The following SNX9 variants were observed in gnomAD, a reference collection of about 807,000 sequenced individuals.
SNX9 encodes the protein sorting nexin-9.
SNX9 carries 44 observed loss-of-function variants against 89.4 expected under a neutral mutation model. That is an observed-to-expected ratio of 0.49 (90% CI 0.39 to 0.63). SNX9 has a LOEUF of 0.63. Among genes scored for constraint, SNX9 ranks in the 30% least tolerant of loss-of-function variants. The pLI is 0.00. For synonymous variants in SNX9, 236 were observed against 247.8 expected (o/e 0.95, Z 0.45); for missense variants, 578 against 736.1 (o/e 0.79, Z 2.49).
Position 157,942,962 on chromosome 6 carries a change from A to G in SNX9, c.*124A>G. The G allele has an allele frequency of 1.0e-6, 1 of 974,122 alleles. No homozygotes were observed. The highest frequency in any genetic ancestry group is 3.0e-5 in the Admixed American group (1 of 33,652). 60.3% of individuals were successfully genotyped at this position (974,122 alleles called of 1,614,324 possible). A position where few individuals can be genotyped will look rare whatever the true frequency, so the allele number is the denominator to read the frequency against. ...AACAAAACCAAAAAGAAAGAGTTGC[A>G]AAAAACTGCATTTATTTTATTAGCC... On this transcript the variant is annotated 3_prime_UTR_variant, in exon 18 of 18. Transcript: ENST00000392185.
chr6:157,909,825 T>G, intron 8 of SNX9, 35 bp downstream of exon 8: 1 of 1,612,884 alleles, frequency 6.2e-7, no homozygotes, highest in Non-Finnish European at 8.5e-7. Flanking sequence ...AGAATCATGT[T>G]TGGATCACTG....
intron 11 of SNX9, 101 bp from the exon 12 acceptor site, chr6:157,928,498 C>A: frequency 1.2e-6 from 1 of 863,502 alleles, no homozygotes; most frequent in Admixed American, 2.2e-5. Flanking sequence ...GAGTTGTTAT[C>A]ATGCAAGAAA....
In SNX9 at chr6:157,857,957, T is replaced by A. The variant is rs574077592; in HGVS notation, c.13-9590T>A. On this transcript the variant is annotated intron_variant, in intron 1 of 17. Coordinates refer to ENST00000392185, the MANE Select transcript of SNX9 (RefSeq NM_016224.5). Reference sequence around the variant, plus strand: ...GACTGACAATGCGTGGTTCTTGTGGTCTGGAGAGCCCATCTGAGGCTGGAT... The same window carrying A: ...GACTGACAATGCGTGGTTCTTGTGGACTGGAGAGCCCATCTGAGGCTGGAT... 1.6e-4 allele frequency among the ~76,000 whole-genome samples: 24 copies of A among 152,314 alleles called. No homozygotes were observed. In the East Asian group the frequency reaches 2.7e-3, roughly 17 times the overall value.
chr6:157,858,767 G>A (rs1247858257), intron 1 of SNX9, among the ~76,000 whole-genome samples: 2 of 152,114 alleles, frequency 1.3e-5, no homozygotes, highest in South Asian at 2.1e-4. Flanking sequence ...AGAAGCAAAG[G>A]GACATCTTAC....
chr6:157,915,837 G>A (rs1432939821), intron 9 of SNX9, among the ~76,000 whole-genome samples: 135 of 114,924 alleles, frequency 1.2e-3, no homozygotes, highest in Middle Eastern at 4.1e-3. Context: ...AAAAAAAAAA[G>A]ATTTATATGT....
chr6:157,840,443 T>TTTCCTTTCC (rs1265645065), intron 1 of SNX9, among the ~76,000 whole-genome samples: 5 of 150,524 alleles, frequency 3.3e-5, no homozygotes, highest in Admixed American at 1.3e-4. Context: ...CTTTCCTTTC[T>TTTCCTTTCC]TTCCTTTCCT....
intron 7 of SNX9, among the ~76,000 whole-genome samples, chr6:157,908,476 TA>T (rs1783264700): frequency 6.6e-6 from 1 of 152,352 alleles, no homozygotes; most frequent in South Asian, 2.1e-4. Context: ...TGTGTTTTGA[TA>T]AGAGCTACTG....
At chr6:157,840,423 T>TTTCTTTC (rs1562590893) in intron 1 of SNX9, among the ~76,000 whole-genome samples, 4,310 of 139,696 alleles carry the variant, frequency 0.031, 181 homozygotes, top group Non-Finnish European at 0.036. Flanking sequence ...TTCTTTCTTT[T>TTTCTTTC]CTTTCTTTTC....
At chr6:157,887,708 C>G (rs1782764605) in intron 4 of SNX9, among the ~76,000 whole-genome samples, 1 of 152,172 alleles carries the variant, frequency 6.6e-6, no homozygotes, top group African/African-American at 2.4e-5. Flanking sequence ...TAAACTGGGT[C>G]CCTGTTACTC....
At chr6:157,917,453 G>C (rs1783495995) in intron 9 of SNX9, among the ~76,000 whole-genome samples, 1 of 152,014 alleles carries the variant, frequency 6.6e-6, no homozygotes, top group African/African-American at 2.4e-5. Flanking sequence ...GCATGCTTTT[G>C]CTGCATTCTA....
At chr6:157,906,074 A>G in intron 6 of SNX9, 54 bp from the exon 7 acceptor site, 2 of 1,486,006 alleles carry the variant, frequency 1.3e-6, no homozygotes, top group South Asian at 2.4e-5. Context: ...CGAGAGTTGT[A>G]AAATTCTTAC....
At chr6:157,894,261 C>G (rs1358659648) in intron 4 of SNX9, among the ~76,000 whole-genome samples, 2 of 146,992 alleles carry the variant, frequency 1.4e-5, no homozygotes, top group African/African-American at 2.5e-5. Flanking sequence ...AGGCGCCCAC[C>G]ACTACACCTG....
At chr6:157,941,790 C>G (rs1414462154) in intron 17 of SNX9, among the ~76,000 whole-genome samples, 1 of 152,198 alleles carries the variant, frequency 6.6e-6, no homozygotes, top group East Asian at 1.9e-4. Flanking sequence ...CTTGATGTAC[C>G]TAATGCATAT....
intron 1 of SNX9, chr6:157,829,333 T>C (rs1781440180): frequency 6.6e-6 from 1 of 152,192 alleles, no homozygotes; most frequent in African/African-American, 2.4e-5. Context: ...GTTGGTGATT[T>C]CTAACTTGAT....
chr6:157,834,157 T>G (rs910305265), intron 1 of SNX9, among the ~76,000 whole-genome samples: 1 of 79,950 alleles, frequency 1.3e-5, no homozygotes, highest in Admixed American at 1.2e-4. Flanking sequence ...GTGGTTTTTT[T>G]TTTTTTTTTT....
chr6:157,881,713 G>T (rs9346953), intron 4 of SNX9, among the ~76,000 whole-genome samples: 6,669 of 152,222 alleles, frequency 0.044, 188 homozygotes, highest in East Asian at 0.11. Flanking sequence ...GATCAAACAG[G>T]CCACAACATT....
intron 2 of SNX9, 39 bp from the exon 3 acceptor site, chr6:157,873,063 A>G (rs770964066): frequency 2.8e-5 from 41 of 1,478,890 alleles, no homozygotes; most frequent in Non-Finnish European, 3.7e-5. Context: ...TCTCAACTGT[A>G]ATCTTTTTCT....
Position 157,906,064 on chromosome 6 carries a change from C to T in SNX9, c.621-64C>T, listed in dbSNP as rs188557004. 9.2e-5 allele frequency: 126 copies of T among 1,372,572 alleles called. No individual in the cohort carries two copies. The African/African-American group carries it at 1.5e-3, about 17-fold the overall frequency. 85.0% of individuals were successfully genotyped at this position (1,372,572 alleles called of 1,614,324 possible). ...GTTAAAACTGGTAAGTAAATGTAGA[C>T]GAGAGTTGTAAAATTCTTACAAGGA... On this transcript the variant is annotated intron_variant, in intron 6 of 17. Transcript: ENST00000392185.
At chr6:157,877,539 G>C (rs1782544182) in intron 4 of SNX9, among the ~76,000 whole-genome samples, 1 of 152,196 alleles carries the variant, frequency 6.6e-6, no homozygotes, top group African/African-American at 2.4e-5. Context: ...TAGGAAACCA[G>C]ATGACCATTA....
Sources: gnomAD v4.1 joint callset for allele counts (sites outside exome capture counted in the v4.1 genomes callset) on GRCh38, gnomAD v4.1.1 for gene constraint, MANE v1.5 for transcripts, NCBI Gene and HGNC (gene_info 2026-07-23, HGNC 2026-07-21) for gene names.